FKBP9: variants seen among roughly 807,000 people sequenced by gnomAD.
The protein encoded by FKBP9 is peptidyl-prolyl cis-trans isomerase FKBP9.
A neutral mutation model predicts 55.6 loss-of-function variants in FKBP9; 27 were observed. That is an observed-to-expected ratio of 0.49 (90% CI 0.36 to 0.67). FKBP9 has a LOEUF of 0.67. Among genes scored for constraint, FKBP9 ranks in the 30% least tolerant of loss-of-function variants. The pLI is 0.00. For missense variants in FKBP9, 539 were observed against 742.8 expected (o/e 0.73, Z 3.19); for synonymous variants, 267 against 296.5 (o/e 0.90, Z 1.02).
Position 32,975,052 on chromosome 7 carries a change from T to G in FKBP9, c.368-130T>G, listed in dbSNP as rs563921065. On this transcript the variant is annotated intron_variant, in intron 2 of 9. Coordinates refer to ENST00000242209, the MANE Select transcript of FKBP9 (RefSeq NM_007270.5). Reference sequence around the variant, plus strand: ...GAAAGAGGGAGGAAGAATGGGTCATTTTGGGATTGTATAGCGGTGACTGCT... The same window carrying G: ...GAAAGAGGGAGGAAGAATGGGTCATGTTGGGATTGTATAGCGGTGACTGCT... 5.1e-4 allele frequency: 375 copies of G among 735,610 alleles called. 1 individual carries two copies. Among genetic ancestry groups the G allele is most frequent in the Non-Finnish European group, 3.8e-4 (170 of 445,230 alleles). 45.6% of individuals were successfully genotyped at this position (735,610 alleles called of 1,614,324 possible). A position where few individuals can be genotyped will look rare whatever the true frequency, so the allele number is the denominator to read the frequency against.
intron 1 of FKBP9, among the ~76,000 whole-genome samples, chr7:32,970,416 A>T (rs1051967206): frequency 6.6e-6 from 1 of 151,852 alleles, no homozygotes; most frequent in African/African-American, 2.4e-5. Flanking sequence ...GGCTGGTCTC[A>T]AACTCCTGAC....
intron 8 of FKBP9, 28 bp from the exon 9 acceptor site, chr7:33,002,648 C>A (rs373601638): frequency 8.7e-6 from 14 of 1,607,898 alleles, no homozygotes; most frequent in Non-Finnish European, 1.2e-5. Context: ...CCGGCTGACA[C>A]CGCCTCCCGC....
chr7:32,995,672 G>T (rs1330833408), intron 6 of FKBP9, among the ~76,000 whole-genome samples: 2 of 152,220 alleles, frequency 1.3e-5, no homozygotes, highest in East Asian at 3.9e-4. Flanking sequence ...GGCCAATTTT[G>T]GGGGAGAGGT....
chr7:32,982,734 CCA>C (rs1784503878), intron 5 of FKBP9, among the ~76,000 whole-genome samples: 1 of 152,168 alleles, frequency 6.6e-6, no homozygotes, highest in African/African-American at 2.4e-5. Context: ...TATAATGGAA[CCA>C]CAGTTTTCTT....
Position 32,975,286 on chromosome 7 carries a change from A to C in FKBP9, c.472A>C (p.Ser158Arg). 6.2e-7 allele frequency: 1 copy of C among 1,613,936 alleles called. No individual in the cohort carries two copies. Reference sequence around the variant, plus strand: ...GATTCACACCTATTTCAAGCCCCCGAGTTGCCCTCGGACCATCCAGGTGTC... The same window carrying C: ...GATTCACACCTATTTCAAGCCCCCGCGTTGCCCTCGGACCATCCAGGTGTC... ...VQIHTYFKPP[S>R]CPRTIQVSDF... Residue 158 changes from serine to arginine, a missense_variant, in exon 3 of 10, where the codon AGT becomes CGT. Physicochemically the swap from Ser to Arg is moderately radical, Grantham distance 110. This residue lies in a region of FKBP9 where 236 missense variants were observed against 271.5 expected (regional missense o/e 0.87). Coordinates refer to ENST00000242209, the MANE Select transcript of FKBP9 (RefSeq NM_007270.5).
At chr7:32,994,392 G>A (rs1167185178) in intron 6 of FKBP9, among the ~76,000 whole-genome samples, 2 of 152,116 alleles carry the variant, frequency 1.3e-5, no homozygotes, top group African/African-American at 2.4e-5. Context: ...TAATGTTTTC[G>A]GGTTCATTCC....
In FKBP9 at chr7:33,006,871, A is replaced by G. The variant is rs1391253215; in HGVS notation, c.*1520A>G. ...TAGTTCATGAAAATGCTGTGCACTC[A>G]TTCCATGGAATAAATGTTGGAAAGC... is the stretch of plus-strand genomic sequence containing the variant. On this transcript the variant is annotated 3_prime_UTR_variant, in exon 10 of 10. Transcript: ENST00000242209. 2 of 189,214 alleles carry G rather than the reference A, an allele frequency of 1.1e-5. No individual in the cohort carries two copies. The highest frequency in any genetic ancestry group is 4.7e-5 in the African/African-American group (2 of 42,820). The allele number at this position is 189,214 out of a possible 1,614,324, so 11.7% of individuals were successfully genotyped here. A position where few individuals can be genotyped will look rare whatever the true frequency, so the allele number is the denominator to read the frequency against.
rs560220732 is a variant in FKBP9 at position 32,970,868 on chromosome 7, A to G, written c.222-3749A>G. 5.3e-5 allele frequency among the ~76,000 whole-genome samples: 8 copies of G among 151,328 alleles called. No individual in the cohort carries two copies. The East Asian group carries it at 1.6e-3, about 29-fold the overall frequency. On this transcript the variant is annotated intron_variant, in intron 1 of 9. Coordinates refer to ENST00000242209, the MANE Select transcript of FKBP9 (RefSeq NM_007270.5). ...CTTCTTCCTTTCCAATTTCTGTGCC[A>G]TGTATTTCTTTTTCTTGCTTAATTG...
intron 4 of FKBP9, among the ~76,000 whole-genome samples, chr7:32,979,744 G>A (rs1312298920): frequency 1.3e-5 from 2 of 152,228 alleles, no homozygotes; most frequent in African/African-American, 2.4e-5. Flanking sequence ...ATTCCCACTG[G>A]CAGGAACATC....
chr7:32,978,429 T>A (rs1784406604), intron 4 of FKBP9, among the ~76,000 whole-genome samples: 2 of 152,028 alleles, frequency 1.3e-5, no homozygotes, highest in Admixed American at 1.3e-4. Flanking sequence ...AGTGACACCA[T>A]CATAGCTCAC....
At chr7:32,989,196 T>G (rs1784635905) in intron 6 of FKBP9, among the ~76,000 whole-genome samples, 1 of 152,200 alleles carries the variant, frequency 6.6e-6, no homozygotes, top group African/African-American at 2.4e-5. Context: ...GTTTTATATA[T>G]TATAAAATTC....
intron 1 of FKBP9, among the ~76,000 whole-genome samples, chr7:32,965,830 T>TATATATGTGTAC (rs1784130571): frequency 3.4e-5 from 1 of 29,386 alleles, no homozygotes; most frequent in Non-Finnish European, 7.8e-5. Context: ...TATATATATA[T>TATATATGTGTAC]ATATATATAT....
chr7:32,958,677 C>G (rs971120158), intron 1 of FKBP9, among the ~76,000 whole-genome samples: 6 of 152,162 alleles, frequency 3.9e-5, no homozygotes, highest in Non-Finnish European at 8.8e-5. Flanking sequence ...AAACACAACA[C>G]GACACCTCTC....
chr7:32,971,988 T>C (rs1165308303), intron 1 of FKBP9, among the ~76,000 whole-genome samples: 1 of 144,378 alleles, frequency 6.9e-6, no homozygotes, highest in Non-Finnish European at 1.5e-5. Context: ...AGGAAGTATA[T>C]TCTGGTTCTG....
chr7:32,996,132 C>G lies in FKBP9; in HGVS notation c.1040-31C>G, dbSNP rs763993156. The G allele has an allele frequency of 3.7e-6, 6 of 1,605,044 alleles. No individual in the cohort carries two copies. In the South Asian group the frequency reaches 4.4e-5, roughly 12 times the overall value. On this transcript the variant is annotated intron_variant, in intron 6 of 9. Coordinates refer to ENST00000242209, the MANE Select transcript of FKBP9 (RefSeq NM_007270.5). ...CCCATGTGCTGCAGCCTGCAGGGGT[C>G]ATTCATTAATTCCCCGTGTCTGTCC...
Position 32,988,639 on chromosome 7 carries a change from A to G in FKBP9, c.1026A>G (p.Gly342=), listed in dbSNP as rs141653893. The G allele has an allele frequency of 4.3e-6, 7 of 1,613,816 alleles. No individual in the cohort carries two copies. The African/African-American group carries it at 8.0e-5, about 18-fold the overall frequency. The part of the protein sequence containing the change: ...RIVVPPHLGY[G]EEGRGNIPGS... ...TGGTCCCGCCTCACCTGGGGTATGG[A>G]GAGGAAGGAAGAGGTGAGCATCAGC... is the stretch of plus-strand genomic sequence containing the variant. The change falls in exon 6 of 10, where the codon GGA becomes GGG. Residue 342 remains glycine (G), a synonymous_variant. Transcript: ENST00000242209.
At chr7:32,977,252 G>A (rs529741556) in intron 4 of FKBP9, among the ~76,000 whole-genome samples, 11 of 152,314 alleles carry the variant, frequency 7.2e-5, no homozygotes, top group Admixed American at 3.3e-4. Flanking sequence ...CATAGAGACC[G>A]GTAGACATTT....
chr7:32,957,651 C>G lies in FKBP9; in HGVS notation c.78C>G (p.Pro26=). The change falls in exon 1 of 10, where the codon CCC becomes CCG. Residue 26 remains proline (P), a synonymous_variant. Transcript: ENST00000242209. ...TCTGGGTGACCGGGCAGGCAGCGCC[C>G]GTGGCGGGCCTGGGCTCCGACGCGG... ...LLLWVTGQAA[P]VAGLGSDAEL... The G allele has an allele frequency of 6.7e-7, 1 of 1,503,360 alleles. No homozygotes were observed. Among genetic ancestry groups the G allele is most frequent in the Non-Finnish European group, 8.8e-7 (1 of 1,134,856 alleles). 93.1% of individuals were successfully genotyped at this position (1,503,360 alleles called of 1,614,324 possible).
intron 4 of FKBP9, chr7:32,979,380 C>G (rs1215477415): frequency 1.4e-5 from 10 of 693,406 alleles, no homozygotes; most frequent in Non-Finnish European, 2.6e-5. Context: ...TATTCTATCT[C>G]CCACGCATGC....
Sources: gnomAD v4.1 joint callset for allele counts (sites outside exome capture counted in the v4.1 genomes callset) on GRCh38, gnomAD v4.1.1 for gene constraint, gnomAD v4.1.1 regional missense constraint, MANE v1.5 for transcripts, NCBI Gene and HGNC (gene_info 2026-07-23, HGNC 2026-07-21) for gene names.